CSMD1: variants seen among roughly 807,000 people sequenced by gnomAD.
The protein encoded by CSMD1 is CUB and Sushi multiple domains 1, also known as CUB and sushi domain-containing protein 1.
In CSMD1, 213 loss-of-function variants were observed where a neutral mutation model predicts 417.5. That is an observed-to-expected ratio of 0.51 (90% CI 0.46 to 0.57). The LOEUF is 0.57. CSMD1 is among the 20% of genes least tolerant of loss of function. The probability of loss-of-function intolerance (pLI) is 0.00; values close to 1 mark genes in which losing one functional copy is unlikely to be tolerated. For missense variants in CSMD1, 6,923 were observed against 4,529.7 expected, an observed-to-expected ratio of 1.53 and a Z score of -15.17; for synonymous variants, 2,862 against 1,736.8, an observed-to-expected ratio of 1.65 and a Z score of -16.11.
chr8:4,398,325 G>A (rs1393713282), intron 3 of CSMD1, among the ~76,000 whole-genome samples: 5 of 150,026 alleles, frequency 3.3e-5, no homozygotes, highest in Admixed American at 6.7e-5. Context: ...TTAAATATTC[G>A]TTAGGACTGA....
At chr8:3,976,892 T>A (rs945490586) in intron 5 of CSMD1, among the ~76,000 whole-genome samples, 4 of 152,128 alleles carry the variant, frequency 2.6e-5, no homozygotes, top group Admixed American at 1.3e-4. Context: ...GTACCTTGAA[T>A]TTGTTTGCAA....
At chr8:3,434,188 G>C (rs77199481) in intron 12 of CSMD1, among the ~76,000 whole-genome samples, 7,788 of 152,200 alleles carry the variant, frequency 0.051, 263 homozygotes, top group East Asian at 0.16. Context: ...ATATTCCTTA[G>C]AACATTTCCC....
intron 3 of CSMD1, among the ~76,000 whole-genome samples, chr8:4,080,137 T>G (rs1288650335): frequency 6.6e-5 from 10 of 152,048 alleles, no homozygotes; most frequent in Non-Finnish European, 2.9e-5. Flanking sequence ...TAGGTACACC[T>G]GCTCAGTTTG....
intron 3 of CSMD1, among the ~76,000 whole-genome samples, chr8:4,360,979 T>C (rs925953968): frequency 6.6e-6 from 1 of 152,212 alleles, no homozygotes; most frequent in African/African-American, 2.4e-5. Flanking sequence ...TGACAGTAGA[T>C]ATTTGACTAA....
chr8:3,098,277 T>G (rs770467184), intron 46 of CSMD1, among the ~76,000 whole-genome samples: 1 of 152,044 alleles, frequency 6.6e-6, no homozygotes, highest in African/African-American at 2.4e-5. Flanking sequence ...GCCTTTTAAT[T>G]AGTTAAATGT....
intron 7 of CSMD1, among the ~76,000 whole-genome samples, chr8:3,664,083 C>A (rs1309012287): frequency 6.6e-6 from 1 of 152,098 alleles, no homozygotes; most frequent in Non-Finnish European, 1.5e-5. Flanking sequence ...GCACAATGTG[C>A]ACGTTTGTTA....
intron 2 of CSMD1, among the ~76,000 whole-genome samples, chr8:4,554,138 G>A (rs567096361): frequency 2.0e-5 from 3 of 152,016 alleles, no homozygotes; most frequent in East Asian, 1.9e-4. Flanking sequence ...AAACAATCGC[G>A]ATTTATTTAT....
intron 3 of CSMD1, among the ~76,000 whole-genome samples, chr8:4,336,567 T>C (rs1800185796): frequency 6.6e-6 from 1 of 152,172 alleles, no homozygotes; most frequent in Non-Finnish European, 1.5e-5. Context: ...TGGTTTCCAG[T>C]GGCCTGGTGA....
chr8:4,778,836 G>C (rs565825299), intron 1 of CSMD1, among the ~76,000 whole-genome samples: 2 of 152,312 alleles, frequency 1.3e-5, no homozygotes, highest in South Asian at 2.1e-4. Flanking sequence ...ATGATCAAAA[G>C]TCAGATAGTA....
intron 15 of CSMD1, among the ~76,000 whole-genome samples, chr8:3,400,000 C>G (rs956359804): frequency 1.3e-5 from 2 of 152,018 alleles, no homozygotes; most frequent in Non-Finnish European, 2.9e-5. Context: ...AAATAAATAG[C>G]CACATGCAAC....
intron 3 of CSMD1, among the ~76,000 whole-genome samples, chr8:4,092,720 G>C (rs1013447609): frequency 6.6e-6 from 1 of 151,934 alleles, no homozygotes; most frequent in Non-Finnish European, 1.5e-5. Flanking sequence ...AAATAATTTT[G>C]ACAACTTTTT....
chr8:4,031,743 G>A (rs377264854), intron 4 of CSMD1, among the ~76,000 whole-genome samples, 162 bp downstream of exon 4: 2 of 152,082 alleles, frequency 1.3e-5, no homozygotes, highest in Admixed American at 6.5e-5. Flanking sequence ...TTCTTACATA[G>A]TAATAACATG....
intron 3 of CSMD1, among the ~76,000 whole-genome samples, chr8:4,378,239 TA>T (rs1276725928): frequency 6.6e-6 from 1 of 152,226 alleles, no homozygotes; most frequent in Non-Finnish European, 1.5e-5. Flanking sequence ...TCCTTAAAAT[TA>T]CTTTTCTATT....
chr8:3,073,156 G>A (rs570502027), intron 49 of CSMD1, among the ~76,000 whole-genome samples: 2 of 152,104 alleles, frequency 1.3e-5, no homozygotes, highest in African/African-American at 2.4e-5. Context: ...AATAGAGTGA[G>A]GAAAATGACT....
intron 12 of CSMD1, among the ~76,000 whole-genome samples, chr8:3,428,040 T>C (rs535850550): frequency 1.3e-5 from 2 of 152,366 alleles, no homozygotes; most frequent in Non-Finnish European, 2.9e-5. Context: ...CATTATCTGC[T>C]TCGTTGCGTC....
chr8:3,591,880 T>C (rs182815101), intron 8 of CSMD1, among the ~76,000 whole-genome samples: 2 of 152,080 alleles, frequency 1.3e-5, no homozygotes, highest in Admixed American at 1.3e-4. Flanking sequence ...AATAGATGGA[T>C]AGATGACAGA....
At chr8:4,317,039 G>A (rs890878102) in intron 3 of CSMD1, among the ~76,000 whole-genome samples, 1 of 152,064 alleles carries the variant, frequency 6.6e-6, no homozygotes, top group Non-Finnish European at 1.5e-5. Flanking sequence ...CTTGTAAACG[G>A]CACTGAAAAC....
chr8:4,814,499 G>A (rs1478802494), intron 1 of CSMD1, among the ~76,000 whole-genome samples: 2 of 152,052 alleles, frequency 1.3e-5, no homozygotes, highest in African/African-American at 2.4e-5. Context: ...CACCCACCTC[G>A]GCCTCCCAAA....
At chr8:4,625,492 C>G (rs975045569) in intron 2 of CSMD1, among the ~76,000 whole-genome samples, 4 of 151,862 alleles carry the variant, frequency 2.6e-5, no homozygotes, top group African/African-American at 9.7e-5. Flanking sequence ...ATGAATCCAC[C>G]TTTGTAAAGC....
Sources: gnomAD v4.1 joint callset for allele counts (sites outside exome capture counted in the v4.1 genomes callset) on GRCh38, gnomAD v4.1.1 for gene constraint, MANE v1.5 for transcripts, NCBI Gene and HGNC (gene_info 2026-07-23, HGNC 2026-07-21) for gene names.